The following MRPL18 variants were observed in gnomAD, a reference collection of about 807,000 sequenced individuals.
MRPL18 encodes large ribosomal subunit protein uL18m.
Under a neutral mutation model 20.9 loss-of-function variants are expected in MRPL18, and 16 were observed. The observed-to-expected ratio is 0.76, with a 90% CI of 0.52 to 1.16. MRPL18 has a LOEUF of 1.16. Among genes scored for constraint, MRPL18 ranks in the 50% most tolerant of loss-of-function variants. The pLI, the probability that MRPL18 is intolerant of heterozygous loss-of-function variation, is 0.00. For missense variants in MRPL18, 233 were observed against 230.6 expected (o/e 1.01, Z -0.07); for synonymous variants, 91 against 87.1 (o/e 1.04, Z -0.25).
At chr6:159,795,583 T>A (rs1781011885) in intron 2 of MRPL18, among the ~76,000 whole-genome samples, 3 of 152,088 alleles carry the variant, frequency 2.0e-5, no homozygotes, top group African/African-American at 7.2e-5. Context: ...GGTCATAGAT[T>A]AACAGAATCT....
intron 2 of MRPL18, 63 bp from the exon 3 acceptor site, chr6:159,797,224 C>A: frequency 1.4e-6 from 2 of 1,396,764 alleles, no homozygotes; most frequent in East Asian, 2.3e-5. Flanking sequence ...TTATTCACCT[C>A]AATTAATGTA....
At chr6:159,793,164 A>G (rs990306613) in intron 2 of MRPL18, among the ~76,000 whole-genome samples, 1 of 152,156 alleles carries the variant, frequency 6.6e-6, no homozygotes, top group Non-Finnish European at 1.5e-5. Context: ...GGATCATTAA[A>G]AATAACTAAA....
At chr6:159,790,209 G>A (rs144809760), upstream of MRPL18, 23 of 323,784 alleles carry the variant, frequency 7.1e-5, no homozygotes, top group Non-Finnish European at 1.0e-4. Context: ...GCCCAGGTGG[G>A]GTGTGTGTGG....
Position 159,791,001 on chromosome 6 carries a change from T to A in MRPL18, c.114T>A (p.Pro38=), listed in dbSNP as rs1341897636. ...CGGCAGCGAAACCTGAAGTGGACCCTGTGGAAAATGAAGCTGTCGCCCCAG... is the reference window on the plus strand; with the variant it reads ...CGGCAGCGAAACCTGAAGTGGACCCAGTGGAAAATGAAGCTGTCGCCCCAG... ...SEPAAKPEVD[P]VENEAVAPEF... The change falls in exon 2 of 4, where the codon CCT becomes CCA. Residue 38 remains proline, a synonymous_variant. Coordinates refer to ENST00000367034, the MANE Select transcript of MRPL18 (RefSeq NM_014161.5). 3 of 1,614,040 alleles carry A rather than the reference T, an allele frequency of 1.9e-6. No homozygotes were observed. Among genetic ancestry groups the A allele is most frequent in the Admixed American group, 1.7e-5 (1 of 60,010 alleles).
chr6:159,792,949 A>G (rs6907384), intron 2 of MRPL18, among the ~76,000 whole-genome samples: 1 of 151,090 alleles, frequency 6.6e-6, no homozygotes, highest in South Asian at 2.1e-4. Flanking sequence ...GACTGCAGGC[A>G]CACACTACCA....
At chr6:159,790,730 C>T in intron 1 of MRPL18, 91 bp downstream of exon 1, 1 of 1,549,456 alleles carries the variant, frequency 6.5e-7, no homozygotes, top group African/African-American at 1.4e-5. Flanking sequence ...ATTCGACGTG[C>T]CGGATCGAAA....
In MRPL18 at chr6:159,797,496, C is replaced by T. The variant is rs755403057; in HGVS notation, c.449C>T (p.Pro150Leu). Reference protein sequence around the residue: ...GINFMVYQPTPWEAASDSMKR... With the variant: ...GINFMVYQPTLWEAASDSMKR... Reference sequence around the variant, plus strand: ...AACTTCATGGTCTACCAACCAACCCCGTGGGAGGCAGCCTCAGACTCGGTA... The same window carrying T: ...AACTTCATGGTCTACCAACCAACCCTGTGGGAGGCAGCCTCAGACTCGGTA... The change falls in exon 3 of 4, where the codon CCG (proline) becomes CTG (leucine). Residue 150 changes from proline (P) to leucine (L), a missense_variant. By Grantham distance (98) the Pro-to-Leu change is moderately conservative. Transcript: ENST00000367034. The T allele has an allele frequency of 1.3e-5, 21 of 1,613,980 alleles. No homozygotes were observed. The highest frequency in any genetic ancestry group is 4.0e-5 in the African/African-American group (3 of 74,918).
Position 159,790,942 on chromosome 6 carries a change from T to G in MRPL18, c.55T>G (p.Cys19Gly). 1 of 1,613,992 alleles carries G rather than the reference T, an allele frequency of 6.2e-7. No individual in the cohort carries two copies. The highest frequency in any genetic ancestry group is 8.5e-7 in the Non-Finnish European group (1 of 1,180,008). ...GLFSVCRNPGCRFAALSTSSE... is the reference protein window; with the variant it reads ...GLFSVCRNPGGRFAALSTSSE... ...GTGCGGTTTTTCCCGTTGCCCAGGGTGCAGGTTCGCAGCCCTGTCAACCAG... is the reference window on the plus strand; with the variant it reads ...GTGCGGTTTTTCCCGTTGCCCAGGGGGCAGGTTCGCAGCCCTGTCAACCAG... The change falls in exon 2 of 4, where the codon TGC becomes GGC. Residue 19 changes from cysteine (C) to glycine (G), a missense_variant and splice_region_variant. By Grantham distance (159) the Cys-to-Gly change is radical. Transcript: ENST00000367034.
At chr6:159,790,861 C>A in intron 1 of MRPL18, 79 bp from the exon 2 acceptor site, 1 of 1,541,570 alleles carries the variant, frequency 6.5e-7, no homozygotes, top group Non-Finnish European at 8.8e-7. Flanking sequence ...GGTGTAAAAG[C>A]GGATAGACGT....
At chr6:159,796,773 C>T (rs1013606102) in intron 2 of MRPL18, among the ~76,000 whole-genome samples, 1 of 152,040 alleles carries the variant, frequency 6.6e-6, no homozygotes, top group Non-Finnish European at 1.5e-5. Context: ...GACAGTGAGA[C>T]CCTGTTTCTG....
In MRPL18 at chr6:159,797,492, A is replaced by G. The variant is rs1300130884; in HGVS notation, c.445A>G (p.Thr149Ala). The change falls in exon 3 of 4, where the codon ACC (threonine) becomes GCC (alanine). Residue 149 changes from threonine to alanine, a missense_variant. Thr to Ala is a moderately conservative substitution (Grantham distance 58). Coordinates refer to ENST00000367034, the MANE Select transcript of MRPL18 (RefSeq NM_014161.5). ...AGINFMVYQP[T>A]PWEAASDSMK... ...AATCAACTTCATGGTCTACCAACCA[A>G]CCCCGTGGGAGGCAGCCTCAGACTC... The G allele has an allele frequency of 1.2e-6, 2 of 1,613,984 alleles. No individual in the cohort carries two copies. Among genetic ancestry groups the G allele is most frequent in the African/African-American group, 2.7e-5 (2 of 74,912 alleles).
chr6:159,790,146 C>G (rs1323379320), upstream of MRPL18: 1 of 213,106 alleles, frequency 4.7e-6, no homozygotes, highest in Admixed American at 4.5e-5. Flanking sequence ...AGGAAGACAA[C>G]CACCCTTTTT....
At chr6:159,795,110 C>T (rs1562490123) in intron 2 of MRPL18, among the ~76,000 whole-genome samples, 2 of 152,252 alleles carry the variant, frequency 1.3e-5, no homozygotes. Flanking sequence ...TGTCCCACCT[C>T]CAGCCCTAAG....
At chr6:159,791,614 A>G (rs1176102174) in intron 2 of MRPL18, among the ~76,000 whole-genome samples, 5 of 152,224 alleles carry the variant, frequency 3.3e-5, no homozygotes, top group Non-Finnish European at 7.3e-5. Flanking sequence ...TTTCAAGATC[A>G]TTCTGGCTGG....
At chr6:159,796,688 G>A (rs1781036902) in intron 2 of MRPL18, among the ~76,000 whole-genome samples, 1 of 152,104 alleles carries the variant, frequency 6.6e-6, no homozygotes, top group East Asian at 1.9e-4. Context: ...GGAGACTAAG[G>A]CAGGAGGGTT....
intron 2 of MRPL18, among the ~76,000 whole-genome samples, chr6:159,794,892 C>T (rs1780992002): frequency 6.6e-6 from 1 of 152,140 alleles, no homozygotes; most frequent in Admixed American, 6.5e-5. Flanking sequence ...CCTCTGAGTT[C>T]CCTTAGTATT....
chr6:159,791,751 A>G (rs1157864319), intron 2 of MRPL18, among the ~76,000 whole-genome samples: 1 of 152,174 alleles, frequency 6.6e-6, no homozygotes, highest in Non-Finnish European at 1.5e-5. Flanking sequence ...CTAAAAATAT[A>G]AAAATTAGAG....
intron 2 of MRPL18, among the ~76,000 whole-genome samples, chr6:159,795,232 A>G (rs556883439): frequency 1.8e-4 from 27 of 152,258 alleles, no homozygotes; most frequent in African/African-American, 5.8e-4. Flanking sequence ...CTCAAGTGCA[A>G]GAGGCATGCC....
At chr6:159,797,907 G>T in intron 3 of MRPL18, 145 bp from the exon 4 acceptor site, 1 of 657,420 alleles carries the variant, frequency 1.5e-6, no homozygotes, top group Non-Finnish European at 2.6e-6. Flanking sequence ...TCATTATTAA[G>T]ATCACTTTCT....
Sources: allele counts gnomAD v4.1 joint callset (sites outside exome capture counted in the v4.1 genomes callset), GRCh38; gene constraint gnomAD v4.1.1; transcripts MANE v1.5; gene names NCBI Gene and HGNC (gene_info 2026-07-23, HGNC 2026-07-21).